TNFSF13B: variants seen among roughly 807,000 people sequenced by gnomAD.
The protein encoded by TNFSF13B is TNF superfamily member 13b, also known as tumor necrosis factor ligand superfamily member 13B.
TNFSF13B carries 8 observed loss-of-function variants against 29.1 expected under a neutral mutation model. That is an observed-to-expected ratio of 0.27 (90% CI 0.16 to 0.50). TNFSF13B has a LOEUF of 0.50. Ranked by LOEUF, TNFSF13B falls within the 20% of genes least tolerant of loss-of-function variation. The pLI is 0.98. For synonymous variants in TNFSF13B, 125 were observed against 130.8 expected (o/e 0.96, Z 0.30); for missense variants, 248 against 334.9 (o/e 0.74, Z 2.03).
At chr13:108,284,608 G>T (rs920867381) in intron 2 of TNFSF13B, among the ~76,000 whole-genome samples, 1 of 152,136 alleles carries the variant, frequency 6.6e-6, no homozygotes, top group Non-Finnish European at 1.5e-5. Context: ...AGCGCAAAGT[G>T]CTTCCCATGC....
chr13:108,281,923 T>C (rs1172442189), intron 2 of TNFSF13B, among the ~76,000 whole-genome samples: 1 of 152,216 alleles, frequency 6.6e-6, no homozygotes, highest in Non-Finnish European at 1.5e-5. Context: ...AGTGTTTTTT[T>C]TTTCTAGTTA....
chr13:108,306,033 CTCTT>C (rs1333698539), intron 5 of TNFSF13B, among the ~76,000 whole-genome samples: 3 of 152,086 alleles, frequency 2.0e-5, no homozygotes, highest in Non-Finnish European at 2.9e-5. Flanking sequence ...CCATTTCCTC[CTCTT>C]TCTTCTTCAT....
intron 3 of TNFSF13B, among the ~76,000 whole-genome samples, chr13:108,300,817 A>G (rs1881600822): frequency 6.6e-6 from 1 of 152,204 alleles, no homozygotes; most frequent in Admixed American, 6.5e-5. Flanking sequence ...CCTGGGAGTG[A>G]GCAAGAAGCA....
intron 2 of TNFSF13B, among the ~76,000 whole-genome samples, chr13:108,271,414 G>T (rs1019684763): frequency 7.1e-6 from 1 of 140,782 alleles, no homozygotes; most frequent in African/African-American, 2.6e-5. Flanking sequence ...CATAAGAAAT[G>T]TAGTGAGAGA....
rs539591625 is a variant in TNFSF13B at position 108,284,521 on chromosome 13, A to G, written c.425-2282A>G. ...TAAGTTATTTGCCTTGATATTATTA[A>G]GAACAATAATGCTAACACCACTACT... On this transcript the variant is annotated intron_variant, in intron 2 of 5. Coordinates refer to ENST00000375887, the MANE Select transcript of TNFSF13B (RefSeq NM_006573.5). Among the ~76,000 whole-genome samples, 4 of 152,348 alleles carry G rather than the reference A, an allele frequency of 2.6e-5. No homozygotes were observed. The East Asian group carries it at 5.8e-4, about 22-fold the overall frequency.
At position 108,286,854 on chromosome 13, in the gene TNFSF13B, A is replaced by G. The variant is rs1316119364; in HGVS notation, c.476A>G (p.Gln159Arg). 2 of 1,564,042 alleles carry G rather than the reference A, an allele frequency of 1.3e-6. No homozygotes were observed. Among genetic ancestry groups the G allele is most frequent in the Non-Finnish European group, 1.7e-6 (2 of 1,149,922 alleles). ...GCAGACAGTGAAACACCAACTATAC[A>G]AAAAGGTAATAAAATATAGCAAAGA... The part of the protein sequence containing the change: ...LIADSETPTI[Q>R]KGSYTFVPWL... Residue 159 changes from glutamine to arginine, a missense_variant, in exon 3 of 6, where the codon CAA (glutamine) becomes CGA (arginine). Gln to Arg is a conservative substitution (Grantham distance 43). Transcript: ENST00000375887.
chr13:108,300,895 C>T (rs911570517), intron 3 of TNFSF13B, among the ~76,000 whole-genome samples: 3 of 152,184 alleles, frequency 2.0e-5, no homozygotes, highest in African/African-American at 7.2e-5. Flanking sequence ...GATCCTCCAT[C>T]CTTCCTCTGC....
At chr13:108,276,603 A>C (rs1880769490) in intron 2 of TNFSF13B, among the ~76,000 whole-genome samples, 1 of 152,180 alleles carries the variant, frequency 6.6e-6, no homozygotes. Context: ...AAAAATGGTA[A>C]ATATGTTGAA....
chr13:108,271,518 T>C (rs1452660766), intron 2 of TNFSF13B, among the ~76,000 whole-genome samples: 1 of 151,810 alleles, frequency 6.6e-6, no homozygotes, highest in Non-Finnish European at 1.5e-5. Context: ...ATAAACTTAT[T>C]TTTTGACTAT....
chr13:108,276,018 T>A (rs1880754001), intron 2 of TNFSF13B, among the ~76,000 whole-genome samples: 1 of 152,238 alleles, frequency 6.6e-6, no homozygotes, highest in Non-Finnish European at 1.5e-5. Context: ...TTTTTGAGTC[T>A]TCTTTTTTGA....
intron 3 of TNFSF13B, among the ~76,000 whole-genome samples, chr13:108,290,807 G>A (rs1881283954): frequency 6.6e-6 from 1 of 151,758 alleles, no homozygotes; most frequent in Admixed American, 6.6e-5. Context: ...GATTTGGGTT[G>A]TGATTAGAAA....
At chr13:108,278,696 T>G (rs926265737) in intron 2 of TNFSF13B, among the ~76,000 whole-genome samples, 1 of 116,154 alleles carries the variant, frequency 8.6e-6, no homozygotes, top group East Asian at 2.9e-4. Flanking sequence ...CTCCTCCTCT[T>G]CCTCCTCCTC....
Position 108,307,013 on chromosome 13 carries a change from TACCAA to T in TNFSF13B, c.*77_*81del. The T allele has an allele frequency of 3.7e-5, 1 of 26,802 alleles. No individual in the cohort carries two copies. Among genetic ancestry groups the T allele is most frequent in the Non-Finnish European group, 6.7e-5 (1 of 14,920 alleles). 1.7% of individuals were successfully genotyped at this position (26,802 alleles called of 1,614,324 possible). A position where few individuals can be genotyped will look rare whatever the true frequency, so the allele number is the denominator to read the frequency against. On this transcript the variant is annotated 3_prime_UTR_variant, in exon 6 of 6. Coordinates refer to ENST00000375887, the MANE Select transcript of TNFSF13B (RefSeq NM_006573.5). ...TAAGAAGAAAGAATCTAACTGAAAA[TACCAA>T]AAAAAAAAAAAAAAAAAAAAAAAAA...
intron 2 of TNFSF13B, among the ~76,000 whole-genome samples, chr13:108,276,100 G>T (rs905783457): frequency 1.8e-4 from 27 of 152,142 alleles, no homozygotes; most frequent in African/African-American, 6.0e-4. Flanking sequence ...GTCTTTGCCC[G>T]GTTGGCATTT....
At position 108,306,948 on chromosome 13, in the gene TNFSF13B, A is replaced by G; in HGVS notation, c.*10A>G. The G allele has an allele frequency of 6.8e-7, 1 of 1,469,560 alleles. No homozygotes were observed. Among genetic ancestry groups the G allele is most frequent in the Non-Finnish European group, 9.3e-7 (1 of 1,078,322 alleles). 91.0% of individuals were successfully genotyped at this position (1,469,560 alleles called of 1,614,324 possible). On this transcript the variant is annotated 3_prime_UTR_variant, in exon 6 of 6. Coordinates refer to ENST00000375887, the MANE Select transcript of TNFSF13B (RefSeq NM_006573.5). ...ATTGAAACTGCTGTGACCTACTTAC[A>G]CCATGTCTGTAGCTATTTTCCTCCC... is the stretch of plus-strand genomic sequence containing the variant.
chr13:108,306,807 G>A lies in TNFSF13B; in HGVS notation c.746-19G>A, dbSNP rs376328389. ...TGTTGTATAACCACTTATAGTTCTTGTAAATCATTTTTTCCCAGGCATTGC... is the reference window on the plus strand; with the variant it reads ...TGTTGTATAACCACTTATAGTTCTTATAAATCATTTTTTCCCAGGCATTGC... On this transcript the variant is annotated intron_variant, in intron 5 of 5. Coordinates refer to ENST00000375887, the MANE Select transcript of TNFSF13B (RefSeq NM_006573.5). The A allele has an allele frequency of 7.0e-7, 1 of 1,434,364 alleles. No individual in the cohort carries two copies. Among genetic ancestry groups the A allele is most frequent in the Non-Finnish European group, 9.8e-7 (1 of 1,019,772 alleles). The allele number at this position is 1,434,364 out of a possible 1,614,324, so 88.9% of individuals were successfully genotyped here.
intron 2 of TNFSF13B, among the ~76,000 whole-genome samples, chr13:108,275,748 T>C (rs1880745395): frequency 6.6e-6 from 1 of 152,140 alleles, no homozygotes; most frequent in African/African-American, 2.4e-5. Flanking sequence ...TACTAACATC[T>C]TATATGAACA....
chr13:108,287,845 C>A (rs1881189204), intron 3 of TNFSF13B, among the ~76,000 whole-genome samples: 1 of 152,020 alleles, frequency 6.6e-6, no homozygotes, highest in Non-Finnish European at 1.5e-5. Context: ...TAAGTGTTTT[C>A]CATAATAATG....
intron 3 of TNFSF13B, among the ~76,000 whole-genome samples, chr13:108,288,040 G>A (rs1485663920): frequency 1.3e-5 from 2 of 152,164 alleles, no homozygotes; most frequent in Admixed American, 1.3e-4. Context: ...TTGAATCTAA[G>A]TAGTCCTACT....
Sources: gnomAD v4.1 joint callset for allele counts (sites outside exome capture counted in the v4.1 genomes callset) on GRCh38, gnomAD v4.1.1 for gene constraint, MANE v1.5 for transcripts, NCBI Gene and HGNC (gene_info 2026-07-23, HGNC 2026-07-21) for gene names.